Variants in CELF2 observed in about 807,000 individuals in gnomAD.
The protein encoded by CELF2 is CUGBP Elav-like family member 2, also known as CUG triplet repeat RNA-binding protein 2.
In CELF2, 8 loss-of-function variants were observed where a neutral mutation model predicts 62.6. The observed-to-expected ratio is 0.13, with a 90% CI of 0.07 to 0.23. CELF2 has a LOEUF of 0.23. Among genes scored for constraint, CELF2 ranks in the 10% least tolerant of loss-of-function variants. The probability of loss-of-function intolerance (pLI) is 1.00; values close to 1 mark genes in which losing one functional copy is unlikely to be tolerated. For missense variants in CELF2, 333 were observed against 671.0 expected, an observed-to-expected ratio of 0.50 and a Z score of 5.56; for synonymous variants, 258 against 250.0, an observed-to-expected ratio of 1.03 and a Z score of -0.30.
the CELF2 span, among the ~76,000 whole-genome samples, chr10:10,468,787 T>A: frequency 3.1e-4 from 47 of 152,160 alleles, no homozygotes; most frequent in South Asian, 2.1e-3. Context: ...TGTGAGTTTA[T>A]GTGGGTAACT....
intron 2 of CELF2, among the ~76,000 whole-genome samples, chr10:10,924,477 A>G (rs975611303): frequency 6.6e-6 from 1 of 152,132 alleles, no homozygotes; most frequent in African/African-American, 2.4e-5. Flanking sequence ...ACCTTAACAG[A>G]AGTATCTTAA....
intron 2 of CELF2, among the ~76,000 whole-genome samples, chr10:11,198,770 A>G (rs1003440400): frequency 3.3e-5 from 5 of 152,154 alleles, no homozygotes; most frequent in African/African-American, 1.2e-4. Context: ...AGCGTTGTAG[A>G]TTTTTTTGCA....
the CELF2 span, among the ~76,000 whole-genome samples, chr10:10,733,783 C>T: frequency 2.6e-5 from 4 of 152,134 alleles, no homozygotes; most frequent in Non-Finnish European, 5.9e-5. Flanking sequence ...ACAATTCAAT[C>T]GTCTCCCACT....
At chr10:11,113,306 G>A (rs1406583658) in intron 1 of CELF2, among the ~76,000 whole-genome samples, 1 of 152,114 alleles carries the variant, frequency 6.6e-6, no homozygotes, top group Non-Finnish European at 1.5e-5. Context: ...TAAATTCACC[G>A]AGGATAGCAT....
chr10:11,126,864 CT>C (rs145027931), intron 1 of CELF2, among the ~76,000 whole-genome samples: 21 of 147,586 alleles, frequency 1.4e-4, no homozygotes, highest in East Asian at 5.9e-4. Flanking sequence ...GTCATTCATA[CT>C]TTTTTTTTTA....
At chr10:10,603,437 A>G in the CELF2 span, among the ~76,000 whole-genome samples, 17 of 152,216 alleles carry the variant, frequency 1.1e-4, no homozygotes, top group South Asian at 2.1e-4. Context: ...GCAGCCTGAG[A>G]TGAAGGCTCA....
chr10:11,275,463 A>G (rs1255753984), intron 8 of CELF2, among the ~76,000 whole-genome samples: 5 of 152,208 alleles, frequency 3.3e-5, no homozygotes, highest in African/African-American at 9.6e-5. Context: ...CCAGATTCCT[A>G]TATCTAGGGC....
chr10:11,202,024 A>G (rs1443375623), intron 2 of CELF2, among the ~76,000 whole-genome samples: 1 of 152,142 alleles, frequency 6.6e-6, no homozygotes, highest in Non-Finnish European at 1.5e-5. Flanking sequence ...CACTGCATAG[A>G]CAAGATCATG....
At chr10:10,621,081 A>G in the CELF2 span, among the ~76,000 whole-genome samples, 1 of 147,886 alleles carries the variant, frequency 6.8e-6, no homozygotes, top group Non-Finnish European at 1.5e-5. Context: ...AATAAAAAAT[A>G]ATAATAATAA....
intron 2 of CELF2, among the ~76,000 whole-genome samples, chr10:11,199,027 G>A (rs1441373965): frequency 6.6e-6 from 1 of 152,162 alleles, no homozygotes; most frequent in Non-Finnish European, 1.5e-5. Context: ...AAGAGTAGTT[G>A]ACTTTCCAGG....
rs142358586 is a variant in CELF2 at position 11,244,037 on chromosome 10, G to A, written c.355-5116G>A. Among the ~76,000 whole-genome samples the A allele has an allele frequency of 6.4e-4, 97 of 152,314 alleles. No individual in the cohort carries two copies. Among genetic ancestry groups the A allele is most frequent in the Middle Eastern group, 3.4e-3 (1 of 294 alleles). ...CGTCTCCTGCTGTCTACTGGGACCT[G>A]CAGGCATGTGCAGGGCACAGCATGA... On this transcript the variant is annotated intron_variant, in intron 3 of 12. Coordinates refer to ENST00000633077, the MANE Select transcript of CELF2 (RefSeq NM_001326342.2). This position sits in a 1 kb window ranked among gnomAD's most constrained non-coding sequence, Gnocchi z 4.2.
rs1402978293 is a variant in CELF2 at position 11,079,201 on chromosome 10, A to C, written c.74+61038A>C. On this transcript the variant is annotated intron_variant, in intron 1 of 12. Transcript: ENST00000633077. ...GAGAGTGACAAGAGAGGAGTATCTCAAAAATGTATAAATTTCATACGTTTT... is the reference window on the plus strand; with the variant it reads ...GAGAGTGACAAGAGAGGAGTATCTCCAAAATGTATAAATTTCATACGTTTT... 7.2e-5 allele frequency among the ~76,000 whole-genome samples: 11 copies of C among 152,328 alleles called. No homozygotes were observed. The East Asian group carries it at 1.9e-3, about 27-fold the overall frequency.
the CELF2 span, among the ~76,000 whole-genome samples, chr10:10,692,222 C>T: frequency 6.7e-6 from 1 of 150,122 alleles, no homozygotes; most frequent in East Asian, 2.0e-4. Flanking sequence ...CAGCTTTCTA[C>T]ATATGGCTAG....
chr10:11,234,236 G>A (rs1236619093), intron 3 of CELF2, among the ~76,000 whole-genome samples: 1 of 152,200 alleles, frequency 6.6e-6, no homozygotes, highest in East Asian at 1.9e-4. Context: ...GGTCTCAGCT[G>A]CTCCTGTTCT....
the CELF2 span, among the ~76,000 whole-genome samples, chr10:10,623,958 T>C: frequency 6.6e-6 from 1 of 152,164 alleles, no homozygotes; most frequent in South Asian, 2.1e-4. Flanking sequence ...TGCTCAGCCC[T>C]ACACCCAAGA....
At chr10:11,104,596 G>A (rs757801079) in intron 1 of CELF2, among the ~76,000 whole-genome samples, 11 of 152,096 alleles carry the variant, frequency 7.2e-5, no homozygotes, top group Non-Finnish European at 1.5e-4. Flanking sequence ...GTGGGAGGAT[G>A]GATTGCGCCC....
chr10:11,080,652 G>C (rs2773490), intron 1 of CELF2, among the ~76,000 whole-genome samples: 9,259 of 152,324 alleles, frequency 0.061, 488 homozygotes, highest in African/African-American at 0.15. Context: ...GTGCATGACA[G>C]TGATTTGGAT....
chr10:10,930,492 A>G (rs1226200386), intron 2 of CELF2, among the ~76,000 whole-genome samples: 3 of 152,228 alleles, frequency 2.0e-5, no homozygotes, highest in Admixed American at 1.3e-4. Flanking sequence ...CCAATTTGAG[A>G]ATTCCATTAT....
At chr10:11,287,239 C>CA (rs1260488282) in intron 8 of CELF2, among the ~76,000 whole-genome samples, 5 of 152,212 alleles carry the variant, frequency 3.3e-5, no homozygotes, top group Non-Finnish European at 7.3e-5. Flanking sequence ...TGAAGTCCAC[C>CA]ATCTTTCTAT....
Sources: allele counts gnomAD v4.1 joint callset (sites outside exome capture counted in the v4.1 genomes callset), GRCh38; gene constraint gnomAD v4.1.1; non-coding constraint Gnocchi (gnomAD v3.1); transcripts MANE v1.5; gene names NCBI Gene and HGNC (gene_info 2026-07-23, HGNC 2026-07-21).